The following EMC3 variants were observed in gnomAD, a reference collection of about 807,000 sequenced individuals.
EMC3 encodes the protein 30 kDa protein.
Under a neutral mutation model 36.6 loss-of-function variants are expected in EMC3, and 13 were observed. The ratio of observed to expected loss-of-function variants is 0.35; its 90% confidence interval spans 0.23 to 0.56. The LOEUF (loss-of-function observed/expected upper bound fraction) is 0.56, where lower values mean the gene tolerates loss of function less well. Ranked by LOEUF, EMC3 falls within the 20% of genes least tolerant of loss-of-function variation. The pLI is 0.84. For synonymous variants in EMC3, 120 were observed against 111.9 expected (o/e 1.07, Z -0.46); for missense variants, 220 against 324.5 (o/e 0.68, Z 2.47).
At chr3:9,968,807 G>C (rs13078943) in intron 7 of EMC3, 1 of 149,618 alleles carries the variant, frequency 6.7e-6, no homozygotes, top group Non-Finnish European at 1.5e-5. Context: ...ACCGTGCCCA[G>C]CTCATTTTTG....
chr3:9,997,537 G>A (rs1019292106), intron 1 of EMC3, among the ~76,000 whole-genome samples: 42 of 152,148 alleles, frequency 2.8e-4, no homozygotes, highest in African/African-American at 9.9e-4. Flanking sequence ...TCAGCTTACC[G>A]CAACCTCTGC....
chr3:9,988,000 C>A, upstream of EMC3: 1 of 907,798 alleles, frequency 1.1e-6, no homozygotes, highest in Non-Finnish European at 1.8e-6. Flanking sequence ...AAGTAAAGGA[C>A]AAGCAAGGTA....
At chr3:10,002,303 T>TGTTATG (rs1335633229) in intron 1 of EMC3, among the ~76,000 whole-genome samples, 1 of 151,814 alleles carries the variant, frequency 6.6e-6, no homozygotes, top group African/African-American at 2.4e-5. Context: ...TTTTATTTTA[T>TGTTATG]TTTGAGATAG....
chr3:9,987,641 T>C (rs545113781), upstream of EMC3, among the ~76,000 whole-genome samples: 5 of 152,318 alleles, frequency 3.3e-5, no homozygotes, highest in African/African-American at 1.2e-4. Flanking sequence ...GAAATGGAGC[T>C]ATTCAACAGA....
chr3:9,990,150 G>A (rs955366740), upstream of EMC3, among the ~76,000 whole-genome samples: 2 of 150,116 alleles, frequency 1.3e-5, no homozygotes, highest in African/African-American at 4.9e-5. Context: ...TCAGCCTCCC[G>A]AGTAGCTGGG....
intron 1 of EMC3, among the ~76,000 whole-genome samples, chr3:10,001,549 G>A (rs369961619): frequency 2.6e-5 from 4 of 151,622 alleles, no homozygotes; most frequent in African/African-American, 9.7e-5. Context: ...CTGCACTCCA[G>A]CCTGGATGAC....
chr3:9,968,645 TTCTC>T (rs542626738), intron 7 of EMC3: 1 of 152,038 alleles, frequency 6.6e-6, no homozygotes, highest in Admixed American at 6.6e-5. Flanking sequence ...GCTGAGAAAT[TTCTC>T]TCTTTTTTTT....
At chr3:9,999,460 T>G (rs1424786128) in intron 1 of EMC3, among the ~76,000 whole-genome samples, 1 of 152,110 alleles carries the variant, frequency 6.6e-6, no homozygotes, top group Non-Finnish European at 1.5e-5. Flanking sequence ...AGGATGGTCT[T>G]GATCTCTTGA....
chr3:9,988,864 C>T, upstream of EMC3: 1 of 710,362 alleles, frequency 1.4e-6, no homozygotes, highest in Non-Finnish European at 2.4e-6. Flanking sequence ...CTCTCTCTTC[C>T]CTAGTTGCTC....
intron 5 of EMC3, among the ~76,000 whole-genome samples, chr3:9,972,628 G>T (rs189032871): frequency 2.1e-4 from 32 of 151,710 alleles, no homozygotes; most frequent in African/African-American, 7.5e-4. Flanking sequence ...AAAATTACCC[G>T]GATGTGGTGG....
chr3:9,981,839 A>G (rs2085914847), intron 1 of EMC3: 3 of 377,938 alleles, frequency 7.9e-6, no homozygotes, highest in Non-Finnish European at 1.0e-5. Context: ...TGTCAGTAGT[A>G]TATTTGTCAA....
intron 1 of EMC3, among the ~76,000 whole-genome samples, chr3:9,994,711 C>T (rs2086101956): frequency 6.6e-6 from 1 of 152,074 alleles, no homozygotes; most frequent in South Asian, 2.1e-4. Flanking sequence ...GCTGGGATTA[C>T]AGGCGCGTGC....
chr3:9,973,544 C>G (rs2085811126), intron 5 of EMC3, 84 bp downstream of exon 5: 1 of 1,308,088 alleles, frequency 7.6e-7, no homozygotes, highest in Non-Finnish European at 1.1e-6. Context: ...AGGCTGGTCT[C>G]AAACTCATGG....
At chr3:10,003,441 A>G (rs2086228275) in intron 1 of EMC3, 3 of 358,718 alleles carry the variant, frequency 8.4e-6, no homozygotes, top group African/African-American at 4.3e-5. Context: ...TATTGTTACC[A>G]TAGTCACTAC....
At position 9,994,664 on chromosome 3, in the gene EMC3, G is replaced by A. The variant is rs374051742; in HGVS notation, c.-241-7762C>T. Among the ~76,000 whole-genome samples the A allele has an allele frequency of 4.6e-5, 7 of 152,052 alleles. No homozygotes were observed. The South Asian group carries it at 1.0e-3, about 23-fold the overall frequency. On this transcript the variant is annotated intron_variant, in intron 1 of 8. Coordinates refer to the EMC3 transcript ENST00000470827. Reference sequence around the variant, plus strand: ...CGGCTCACTGCAACCTTCGCCTCCCGGATTCAAGCAGTTTTCCTGTCTCAG... The same window carrying A: ...CGGCTCACTGCAACCTTCGCCTCCCAGATTCAAGCAGTTTTCCTGTCTCAG...
At chr3:10,005,347 C>G (rs928959125) in intron 1 of EMC3, 1 of 152,100 alleles carries the variant, frequency 6.6e-6, no homozygotes, top group Non-Finnish European at 1.5e-5. Flanking sequence ...GTACAACATT[C>G]AGAGAGGGGC....
In EMC3 at chr3:9,977,388, C is replaced by T; in HGVS notation, c.213+1G>A. ...CTTTTTAATAAAAGATAAATGAGTA[C>T]CTGTTTGGGAATGTATTTTCCATTT... On this transcript the variant is annotated splice_donor_variant, in intron 2 of 7. Transcript: ENST00000245046. LOFTEE classifies it high-confidence loss of function. 6 of 1,610,924 alleles carry T rather than the reference C, an allele frequency of 3.7e-6. No individual in the cohort carries two copies. The highest frequency in any genetic ancestry group is 5.1e-6 in the Non-Finnish European group (6 of 1,178,924).
intron 1 of EMC3, chr3:10,003,644 C>T (rs2086230091): frequency 4.9e-6 from 1 of 205,040 alleles, no homozygotes; most frequent in African/African-American, 2.3e-5. Context: ...AGGCTGGCTC[C>T]CTTGGCATCA....
chr3:10,000,037 A>AT (rs997580462), intron 1 of EMC3, among the ~76,000 whole-genome samples: 2 of 151,818 alleles, frequency 1.3e-5, no homozygotes, highest in African/African-American at 4.8e-5. Flanking sequence ...TGTTGTTTTT[A>AT]TTTTTTGGGG....
Sources: allele counts gnomAD v4.1 joint callset (sites outside exome capture counted in the v4.1 genomes callset), GRCh38; gene constraint gnomAD v4.1.1; transcripts MANE v1.5; gene names NCBI Gene and HGNC (gene_info 2026-07-23, HGNC 2026-07-21).